SMPDL3B: variants seen among roughly 807,000 people sequenced by gnomAD.
The protein encoded by SMPDL3B is acid sphingomyelinase-like phosphodiesterase 3b.
A neutral mutation model predicts 37.9 loss-of-function variants in SMPDL3B; 31 were observed. The observed-to-expected ratio is 0.82, with a 90% CI of 0.61 to 1.10. SMPDL3B has a LOEUF of 1.10. Among genes scored for constraint, SMPDL3B ranks in the 50% least tolerant of loss-of-function variants. The probability of loss-of-function intolerance (pLI) is 0.00; values close to 1 mark genes in which losing one functional copy is unlikely to be tolerated. For synonymous variants in SMPDL3B, 235 were observed against 242.6 expected, an observed-to-expected ratio of 0.97 and a Z score of 0.29; for missense variants, 525 against 597.8, an observed-to-expected ratio of 0.88 and a Z score of 1.27.
intron 2 of SMPDL3B, among the ~76,000 whole-genome samples, chr1:27,947,256 A>G (rs2090417686): frequency 6.6e-6 from 1 of 152,122 alleles, no homozygotes; most frequent in South Asian, 2.1e-4. Context: ...GAGTGGTCTC[A>G]AACTCCCGAC....
intron 4 of SMPDL3B, among the ~76,000 whole-genome samples, chr1:27,953,776 G>A (rs2090475059): frequency 6.6e-6 from 1 of 152,218 alleles, no homozygotes; most frequent in African/African-American, 2.4e-5. Flanking sequence ...ACTCACTAGA[G>A]TGATACCCTC....
intron 3 of SMPDL3B, among the ~76,000 whole-genome samples, chr1:27,952,078 G>T (rs1178519212): frequency 6.6e-6 from 1 of 152,162 alleles, no homozygotes; most frequent in African/African-American, 2.4e-5. Flanking sequence ...AAGACACCAG[G>T]TCGCACCCTC....
At position 27,956,045 on chromosome 1, in the gene SMPDL3B, G is replaced by T; in HGVS notation, c.968G>T (p.Arg323Leu). ...AATGGGGCCAACAATCCAGCCATCC[G>T]GGTGTTCGAATATGACCGAGCCACA... ...VVNGANNPAI[R>L]VFEYDRATLS... Residue 323 changes from arginine to leucine, a missense_variant, in exon 7 of 8, where the codon CGG becomes CTG. Transcript: ENST00000373894. 3 of 1,614,052 alleles carry T rather than the reference G, an allele frequency of 1.9e-6. No individual in the cohort carries two copies. The highest frequency in any genetic ancestry group is 1.7e-6 in the Non-Finnish European group (2 of 1,179,994).
intron 1 of SMPDL3B, among the ~76,000 whole-genome samples, chr1:27,938,237 G>A (rs1424668142): frequency 2.6e-5 from 4 of 152,142 alleles, no homozygotes; most frequent in Non-Finnish European, 2.9e-5. Context: ...CCACTTTGGG[G>A]CTCACCTGCT....
intron 1 of SMPDL3B, among the ~76,000 whole-genome samples, chr1:27,936,862 G>A (rs10794509): frequency 0.65 from 99,302 of 151,840 alleles, 33,853 homozygotes; most frequent in South Asian, 0.8. Context: ...TCTACTAAAA[G>A]TACAAAAAAT....
At chr1:27,944,515 C>T (rs1235584009) in intron 1 of SMPDL3B, among the ~76,000 whole-genome samples, 2 of 151,944 alleles carry the variant, frequency 1.3e-5, no homozygotes, top group East Asian at 1.9e-4. Flanking sequence ...ACCCCACACC[C>T]GACGAATTTT....
rs773590714 is a variant in SMPDL3B, at chr1:27,955,833, C to T, written c.840C>T (p.Thr280=). The part of the protein sequence containing the change: ...IAGQFFGHHH[T]DSFRMLYDDA... ...GGCAGTTCTTCGGGCACCACCACACCGACAGCTTTCGGATGCTCTATGATG... is the reference window on the plus strand; with the variant it reads ...GGCAGTTCTTCGGGCACCACCACACTGACAGCTTTCGGATGCTCTATGATG... Residue 280 remains threonine, a synonymous_variant, in exon 6 of 8, where the codon ACC becomes ACT. Transcript: ENST00000373894. 32 of 1,613,948 alleles carry T rather than the reference C, an allele frequency of 2.0e-5. No homozygotes were observed. Among genetic ancestry groups the T allele is most frequent in the African/African-American group, 1.1e-4 (8 of 74,920 alleles).
At chr1:27,943,695 A>G (rs1416496748) in intron 1 of SMPDL3B, among the ~76,000 whole-genome samples, 1 of 152,172 alleles carries the variant, frequency 6.6e-6, no homozygotes, top group Non-Finnish European at 1.5e-5. Flanking sequence ...TTCAGTAAGC[A>G]GTCATTGAAA....
At chr1:27,935,980 T>G (rs1379773442) in intron 1 of SMPDL3B, among the ~76,000 whole-genome samples, 1 of 151,764 alleles carries the variant, frequency 6.6e-6, no homozygotes, top group Non-Finnish European at 1.5e-5. Context: ...TGGCAGATGG[T>G]GGGGTGGGGC....
At chr1:27,943,812 T>C (rs1218523215) in intron 1 of SMPDL3B, among the ~76,000 whole-genome samples, 1 of 150,538 alleles carries the variant, frequency 6.6e-6, no homozygotes, top group Non-Finnish European at 1.5e-5. Context: ...CCAGCCTGGC[T>C]AACATGGCGA....
intron 7 of SMPDL3B, 51 bp downstream of exon 7, chr1:27,956,133 C>CA: frequency 6.2e-7 from 1 of 1,613,908 alleles, no homozygotes; most frequent in Non-Finnish European, 8.5e-7. Context: ...GGCTTAAATG[C>CA]ATCACCACCT....
chr1:27,959,070 A>C lies in SMPDL3B; in HGVS notation c.*232A>C. Reference sequence around the variant, plus strand: ...AAAACAAACCAGAAACAGAAAAGAAATGACGACCCAAGACCCCCCTACAAG... The same window carrying C: ...AAAACAAACCAGAAACAGAAAAGAACTGACGACCCAAGACCCCCCTACAAG... On this transcript the variant is annotated 3_prime_UTR_variant, in exon 8 of 8. Coordinates refer to ENST00000373894, the MANE Select transcript of SMPDL3B (RefSeq NM_014474.4). 2 of 540,958 alleles carry C rather than the reference A, an allele frequency of 3.7e-6. No individual in the cohort carries two copies. The highest frequency in any genetic ancestry group is 6.6e-6 in the Non-Finnish European group (2 of 304,604). The allele number at this position is 540,958 out of a possible 1,614,324, so 33.5% of individuals were successfully genotyped here.
chr1:27,954,351 C>T lies in SMPDL3B; in HGVS notation c.518-3C>T, dbSNP rs781711906. ...TCCTTCATATTGTCCCTGGCTGTGA[C>T]AGGTGCCTTCTACTGTGAGAAGCTG... is the stretch of plus-strand genomic sequence containing the variant. On this transcript the variant is annotated splice_region_variant and splice_polypyrimidine_tract_variant and intron_variant, in intron 4 of 7. Transcript: ENST00000373894. 17 of 1,612,466 alleles carry T rather than the reference C, an allele frequency of 1.1e-5. No homozygotes were observed. Among genetic ancestry groups the T allele is most frequent in the African/African-American group, 1.3e-5 (1 of 74,892 alleles).
chr1:27,956,632 A>C lies in SMPDL3B; in HGVS notation c.1005+550A>C, dbSNP rs576305611. Among the ~76,000 whole-genome samples the C allele has an allele frequency of 2.6e-5, 4 of 152,346 alleles. No homozygotes were observed. In the East Asian group the frequency reaches 7.7e-4, roughly 29 times the overall value. ...AAAAATATTATTCCTTTATTTATCC[A>C]ACAAAATGCATTAAGTGTGTGCCAT... On this transcript the variant is annotated intron_variant, in intron 7 of 7. Transcript: ENST00000373894.
At chr1:27,940,146 G>A (rs189710151) in intron 1 of SMPDL3B, among the ~76,000 whole-genome samples, 115 of 152,290 alleles carry the variant, frequency 7.6e-4, no homozygotes, top group Admixed American at 6.6e-3. Context: ...ATCCCCTTTG[G>A]TGAAGGAGGA....
At chr1:27,940,663 AATAATG>A (rs1452246144) in intron 1 of SMPDL3B, among the ~76,000 whole-genome samples, 1 of 152,202 alleles carries the variant, frequency 6.6e-6, no homozygotes, top group Non-Finnish European at 1.5e-5. Flanking sequence ...ATAAATGAAT[AATAATG>A]ATAGCTGAGA....
At chr1:27,954,607 C>G (rs749647175) in intron 5 of SMPDL3B, 81 bp downstream of exon 5, 6 of 1,383,702 alleles carry the variant, frequency 4.3e-6, no homozygotes, top group Admixed American at 3.6e-5. Flanking sequence ...CTCACCCACC[C>G]ACCCAAAGAT....
rs1000116390 is a variant in SMPDL3B, at chr1:27,936,024, C to A, written c.61+780C>A. 2.5e-4 allele frequency among the ~76,000 whole-genome samples: 38 copies of A among 152,140 alleles called. 1 individual carries two copies. The highest frequency in any genetic ancestry group is 1.0e-4 in the Non-Finnish European group (7 of 68,014). Reference sequence around the variant, plus strand: ...AATCATGGATAGCCTCGAAGACTCTCTTGAGGACTCAGACATTTTTCTTTC... The same window carrying A: ...AATCATGGATAGCCTCGAAGACTCTATTGAGGACTCAGACATTTTTCTTTC... On this transcript the variant is annotated intron_variant, in intron 1 of 7. Coordinates refer to ENST00000373894, the MANE Select transcript of SMPDL3B (RefSeq NM_014474.4).
Position 27,945,549 on chromosome 1 carries a change from G to T in SMPDL3B, c.275+104G>T. ...ATTATCTCCCTTAATCCTCACATCA[G>T]TCTCACGTGAGGCTGAGGAACCTAA... is the stretch of plus-strand genomic sequence containing the variant. On this transcript the variant is annotated intron_variant, in intron 2 of 7. Coordinates refer to ENST00000373894, the MANE Select transcript of SMPDL3B (RefSeq NM_014474.4). The surrounding 1 kb of genome is among the most constrained non-coding windows in gnomAD (Gnocchi z 4.0). 1.1e-6 allele frequency: 1 copy of T among 951,344 alleles called. No homozygotes were observed. The allele number at this position is 951,344 out of a possible 1,614,324, so 58.9% of individuals were successfully genotyped here. A position where few individuals can be genotyped will look rare whatever the true frequency, so the allele number is the denominator to read the frequency against.
Sources: gnomAD v4.1 joint callset for allele counts (sites outside exome capture counted in the v4.1 genomes callset) on GRCh38, gnomAD v4.1.1 for gene constraint, Gnocchi (gnomAD v3.1) non-coding constraint, MANE v1.5 for transcripts, NCBI Gene and HGNC (gene_info 2026-07-23, HGNC 2026-07-21) for gene names.